FMN2: variants seen among roughly 807,000 people sequenced by gnomAD.
The protein encoded by FMN2 is formin 2, also known as formin-2.
Under a neutral mutation model 142.3 loss-of-function variants are expected in FMN2, and 51 were observed. The observed-to-expected ratio is 0.36, with a 90% CI of 0.29 to 0.45. The LOEUF is 0.45. Among genes scored for constraint, FMN2 ranks in the 20% least tolerant of loss-of-function variants. The pLI is 1.00. For synonymous variants in FMN2, 882 were observed against 869.8 expected, an observed-to-expected ratio of 1.01 and a Z score of -0.25; for missense variants, 1,936 against 2,122.8, an observed-to-expected ratio of 0.91 and a Z score of 1.73.
chr1:240,287,678 A>T (rs1261590364), intron 7 of FMN2, among the ~76,000 whole-genome samples: 3 of 151,970 alleles, frequency 2.0e-5, no homozygotes, highest in African/African-American at 7.3e-5. Flanking sequence ...GAGAGAGATT[A>T]AAAAAAACAT....
intron 7 of FMN2, among the ~76,000 whole-genome samples, chr1:240,272,771 A>G (rs1327758604): frequency 1.3e-5 from 2 of 152,204 alleles, no homozygotes; most frequent in Non-Finnish European, 2.9e-5. Flanking sequence ...ATCTTTTGGC[A>G]TGGCTGAAGC....
chr1:240,364,147 A>G (rs566259799), intron 14 of FMN2, among the ~76,000 whole-genome samples: 21 of 152,286 alleles, frequency 1.4e-4, no homozygotes, highest in Admixed American at 1.3e-3. Flanking sequence ...ACGATGAGGA[A>G]ACAAATTCTC....
rs1168490342 is a variant in FMN2, at chr1:240,092,148, T to G, written c.39T>G (p.Gly13=). 1.3e-6 allele frequency: 2 copies of G among 1,567,642 alleles called. No homozygotes were observed. The highest frequency in any genetic ancestry group is 4.7e-5 in the East Asian group (2 of 42,902). ...NQDGKLKRSA[G]DALHEGGGGA... is the part of the protein sequence containing the mutation. ...ATGGGAAGCTGAAGAGGAGCGCAGGTGATGCTTTGCACGAAGGCGGCGGTG... is the reference window on the plus strand; with the variant it reads ...ATGGGAAGCTGAAGAGGAGCGCAGGGGATGCTTTGCACGAAGGCGGCGGTG... The change falls in exon 1 of 18, where the codon GGT becomes GGG. Residue 13 remains glycine (G), a synonymous_variant. Coordinates refer to ENST00000319653, the MANE Select transcript of FMN2 (RefSeq NM_020066.5).
intron 8 of FMN2, among the ~76,000 whole-genome samples, chr1:240,301,364 A>G (rs1670190242): frequency 6.6e-6 from 1 of 151,874 alleles, no homozygotes; most frequent in South Asian, 2.1e-4. Flanking sequence ...CGTGAGTAGC[A>G]TCTGTATGTG....
intron 8 of FMN2, among the ~76,000 whole-genome samples, chr1:240,301,394 A>G (rs1197172177): frequency 1.3e-5 from 2 of 151,808 alleles, no homozygotes; most frequent in Non-Finnish European, 2.9e-5. Context: ...TTAAATAATT[A>G]AACATATTTA....
Position 240,092,415 on chromosome 1 carries a change from C to T in FMN2, c.306C>T (p.Ala102=), listed in dbSNP as rs778007491. The T allele has an allele frequency of 6.2e-7, 1 of 1,612,500 alleles. No individual in the cohort carries two copies. The highest frequency in any genetic ancestry group is 1.3e-5 in the African/African-American group (1 of 75,022). ...GCGAAGATGTACTGGATTCCCAGGC[C>T]CTGCAGACCGGGGAGCTGGACAGCG... is the stretch of plus-strand genomic sequence containing the variant. ...GSREDVLDSQ[A]LQTGELDSAH... Residue 102 remains alanine (A), a synonymous_variant, in exon 1 of 18, where the codon GCC becomes GCT. Coordinates refer to ENST00000319653, the MANE Select transcript of FMN2 (RefSeq NM_020066.5).
At chr1:240,272,563 C>T (rs1234495107) in intron 7 of FMN2, among the ~76,000 whole-genome samples, 1 of 152,136 alleles carries the variant, frequency 6.6e-6, no homozygotes, top group African/African-American at 2.4e-5. Flanking sequence ...CCCTGGCCAC[C>T]TTTATCCAGT....
At chr1:240,137,487 T>G (rs1255064263) in intron 2 of FMN2, among the ~76,000 whole-genome samples, 1 of 152,228 alleles carries the variant, frequency 6.6e-6, no homozygotes, top group Non-Finnish European at 1.5e-5. Context: ...CAGGCTGTGG[T>G]TGGCTAGCCC....
At chr1:240,290,782 T>TC (rs1669754472) in intron 7 of FMN2, among the ~76,000 whole-genome samples, 1 of 103,136 alleles carries the variant, frequency 9.7e-6, no homozygotes, top group Non-Finnish European at 2.0e-5. Context: ...TTTGTTTGGT[T>TC]TTTTTTTTTT....
At position 240,438,588 on chromosome 1, in the gene FMN2, C is replaced by T. The variant is rs530423100; in HGVS notation, c.5060+378C>T. Among the ~76,000 whole-genome samples, 91 of 152,312 alleles carry T rather than the reference C, an allele frequency of 6.0e-4. 2 individuals are homozygous for T. The South Asian group carries it at 0.016, about 27-fold the overall frequency. On this transcript the variant is annotated intron_variant, in intron 16 of 17. Transcript: ENST00000319653. ...AGAAGGGTAAAAGGAATAGTTTGCTCAATTCATGGGATATTGTCAGTTTAC... is the reference window on the plus strand; with the variant it reads ...AGAAGGGTAAAAGGAATAGTTTGCTTAATTCATGGGATATTGTCAGTTTAC...
At chr1:240,254,797 C>G (rs1379655469) in intron 6 of FMN2, among the ~76,000 whole-genome samples, 1 of 152,134 alleles carries the variant, frequency 6.6e-6, no homozygotes, top group South Asian at 2.1e-4. Flanking sequence ...TGCTTTGGCC[C>G]TGGCTGCGGT....
At chr1:240,143,674 C>T in intron 2 of FMN2, 2 of 1,609,376 alleles carry the variant, frequency 1.2e-6, no homozygotes, top group Non-Finnish European at 8.5e-7. Flanking sequence ...GATGGCCTCA[C>T]CCTTCCCCAG....
At chr1:240,121,735 T>TAAAAAAAAAAAAAAAAGA (rs1662264350) in intron 1 of FMN2, among the ~76,000 whole-genome samples, 1 of 25,672 alleles carries the variant, frequency 3.9e-5, no homozygotes, top group African/African-American at 1.5e-4. Flanking sequence ...AGGGAAATAG[T>TAAAAAAAAAAAAAAAAGA]AAAAAAAAAA....
intron 2 of FMN2, among the ~76,000 whole-genome samples, chr1:240,165,685 C>G (rs574617370): frequency 6.6e-6 from 1 of 150,542 alleles, no homozygotes; most frequent in East Asian, 2.0e-4. Context: ...TCATCTTTTC[C>G]CAGATAGGAT....
At chr1:240,171,808 C>T (rs1664713699) in intron 2 of FMN2, among the ~76,000 whole-genome samples, 1 of 152,176 alleles carries the variant, frequency 6.6e-6, no homozygotes, top group African/African-American at 2.4e-5. Flanking sequence ...TAACTTTTCT[C>T]TTTCTTAAGC....
chr1:240,207,199 T>G lies in FMN2; in HGVS notation c.2387T>G (p.Val796Gly). 1 of 1,613,954 alleles carries G rather than the reference T, an allele frequency of 6.2e-7. No homozygotes were observed. Residue 796 changes from valine to glycine, a missense_variant, in exon 5 of 18, where the codon GTC becomes GGC. Around this residue, in one of 8 missense-constraint regions of FMN2, gnomAD observed 478 missense variants for 462.8 expected, o/e 1.03. Coordinates refer to ENST00000319653, the MANE Select transcript of FMN2 (RefSeq NM_020066.5). ...SLIVSPRRIS[V>G]QLDSHQPTQS... is the part of the protein sequence containing the mutation. ...ATTGTGTCTCCAAGGCGAATATCAG[T>G]CCAGCTCGACAGCCATCAGCCCACA...
In FMN2 at chr1:240,305,380, C is replaced by G. The variant is rs527905585; in HGVS notation, c.4215+10497C>G. ...AAACTCATTCATTTTTGAAAGCATGCGTTTCCCAGTATTGTGTTTTTCAAA... is the reference window on the plus strand; with the variant it reads ...AAACTCATTCATTTTTGAAAGCATGGGTTTCCCAGTATTGTGTTTTTCAAA... On this transcript the variant is annotated intron_variant, in intron 8 of 17. Coordinates refer to ENST00000319653, the MANE Select transcript of FMN2 (RefSeq NM_020066.5). Among the ~76,000 whole-genome samples, 3 of 152,132 alleles carry G rather than the reference C, an allele frequency of 2.0e-5. No homozygotes were observed. In the East Asian group the frequency reaches 5.8e-4, roughly 29 times the overall value.
At chr1:240,202,779 C>G (rs1666177073) in intron 4 of FMN2, among the ~76,000 whole-genome samples, 2 of 152,066 alleles carry the variant, frequency 1.3e-5, no homozygotes, top group South Asian at 4.2e-4. Context: ...ACTTTTTCCT[C>G]TGTGTGTGTA....
intron 14 of FMN2, among the ~76,000 whole-genome samples, chr1:240,382,027 C>T (rs1005276557): frequency 3.9e-5 from 6 of 152,166 alleles, no homozygotes; most frequent in Non-Finnish European, 8.8e-5. Context: ...AAGAAGAAGT[C>T]AGATTATCTC....
Sources: allele counts gnomAD v4.1 joint callset (sites outside exome capture counted in the v4.1 genomes callset), GRCh38; gene constraint gnomAD v4.1.1; regional missense constraint gnomAD v4.1.1; transcripts MANE v1.5; gene names NCBI Gene and HGNC (gene_info 2026-07-23, HGNC 2026-07-21).